The following EFNA3 variants were observed in gnomAD, a reference collection of about 807,000 sequenced individuals.
EFNA3 encodes the protein ephrin A3, also known as ephrin-A3.
A neutral mutation model predicts 25.0 loss-of-function variants in EFNA3; 15 were observed. The observed-to-expected ratio is 0.60, with a 90% confidence interval of 0.40 to 0.92. The LOEUF (loss-of-function observed/expected upper bound fraction) is 0.92. EFNA3 is among the 40% of genes least tolerant of loss of function. EFNA3 has a pLI of 0.00. For missense variants in EFNA3, 298 were observed against 323.8 expected (o/e 0.92, Z 0.61); for synonymous variants, 153 against 145.6 (o/e 1.05, Z -0.37).
At position 155,085,560 on chromosome 1, in the gene EFNA3, G is replaced by T; in HGVS notation, c.442+156G>T. ...AGGCGTGGGCACGGGACGCCTGAGG[G>T]GTTCAGCTCAGACGAGGTCGTGGGG... On this transcript the variant is annotated intron_variant, in intron 2 of 4. Coordinates refer to ENST00000368408, the MANE Select transcript of EFNA3 (RefSeq NM_004952.5). This position sits in a 1 kb window ranked among gnomAD's most constrained non-coding sequence, Gnocchi z 4.4. The T allele has an allele frequency of 1.0e-6, 1 of 958,776 alleles. No individual in the cohort carries two copies. Among genetic ancestry groups the T allele is most frequent in the South Asian group, 1.7e-5 (1 of 57,202 alleles). 59.4% of individuals were successfully genotyped at this position (958,776 alleles called of 1,614,324 possible). A position where few individuals can be genotyped will look rare whatever the true frequency, so the allele number is the denominator to read the frequency against.
rs751363786 is a variant in EFNA3, at chr1:155,079,100, C to T, written c.128+31C>T. On this transcript the variant is annotated intron_variant, in intron 1 of 4. Coordinates refer to ENST00000368408, the MANE Select transcript of EFNA3 (RefSeq NM_004952.5). The surrounding 1 kb of genome is among the most constrained non-coding windows in gnomAD (Gnocchi z 7.7). ...TCGGGGACCCTGGGAGTCCGCGCGT[C>T]CCGTCTCAGTGAGAGGGGGAGCCGG... The T allele has an allele frequency of 4.6e-6, 6 of 1,302,330 alleles. No individual in the cohort carries two copies. The highest frequency in any genetic ancestry group is 4.9e-6 in the Non-Finnish European group (5 of 1,017,636). 80.7% of individuals were successfully genotyped at this position (1,302,330 alleles called of 1,614,324 possible). A position where few individuals can be genotyped will look rare whatever the true frequency, so the allele number is the denominator to read the frequency against.
intron 4 of EFNA3, 95 bp downstream of exon 4, chr1:155,086,300 G>A: frequency 6.3e-7 from 1 of 1,596,186 alleles, no homozygotes; most frequent in Admixed American, 1.7e-5. Flanking sequence ...TGGGGGCACT[G>A]ATACTTCCTA....
chr1:155,083,805 G>A (rs1218230286), intron 1 of EFNA3, among the ~76,000 whole-genome samples: 1 of 152,214 alleles, frequency 6.6e-6, no homozygotes, highest in African/African-American at 2.4e-5. Context: ...AGCTCCCAGG[G>A]ACTAGGGACC....
rs1418762232 is a variant in EFNA3 at position 155,081,012 on chromosome 1, T to C, written c.128+1943T>C. On this transcript the variant is annotated intron_variant, in intron 1 of 4. Coordinates refer to ENST00000368408, the MANE Select transcript of EFNA3 (RefSeq NM_004952.5). The surrounding 1 kb of genome is among the most constrained non-coding windows in gnomAD (Gnocchi z 5.2). ...GGGCGGGGCCGACCGAGCCACAGGC[T>C]CCCGCGCCCCCTCCCCCTAGTCACG... is the stretch of plus-strand genomic sequence containing the variant. Among the ~76,000 whole-genome samples, 4 of 151,644 alleles carry C rather than the reference T, an allele frequency of 2.6e-5. No homozygotes were observed. Among genetic ancestry groups the C allele is most frequent in the Admixed American group, 2.0e-4 (3 of 15,268 alleles).
At chr1:155,086,244 A>ACCG (rs1181579832) in intron 4 of EFNA3, 39 bp downstream of exon 4, 1 of 1,608,538 alleles carries the variant, frequency 6.2e-7, no homozygotes, top group Non-Finnish European at 8.5e-7. Flanking sequence ...CACTGCTGGA[A>ACCG]CCGCAGCCCC....
rs945694353 is a variant in EFNA3 at position 155,079,724 on chromosome 1, C to T, written c.128+655C>T. 5.3e-5 allele frequency among the ~76,000 whole-genome samples: 8 copies of T among 152,098 alleles called. No individual in the cohort carries two copies. Among genetic ancestry groups the T allele is most frequent in the Non-Finnish European group, 1.0e-4 (7 of 67,992 alleles). On this transcript the variant is annotated intron_variant, in intron 1 of 4. Coordinates refer to ENST00000368408, the MANE Select transcript of EFNA3 (RefSeq NM_004952.5). This position sits in a 1 kb window ranked among gnomAD's most constrained non-coding sequence, Gnocchi z 7.7. ...TGTCGGTGTGTCACACACGCACACA[C>T]ACGCCCGGGCTGGGGACGGCGAATG...
intron 1 of EFNA3, among the ~76,000 whole-genome samples, chr1:155,082,187 G>A (rs888303456): frequency 7.9e-5 from 12 of 152,256 alleles, no homozygotes; most frequent in Admixed American, 5.2e-4. Context: ...CGCACACGTG[G>A]TCCGGCCTCG....
chr1:155,085,700 C>A lies in EFNA3; in HGVS notation c.443-177C>A. 1 of 752,674 alleles carries A rather than the reference C, an allele frequency of 1.3e-6. No individual in the cohort carries two copies. Among genetic ancestry groups the A allele is most frequent in the Non-Finnish European group, 2.1e-6 (1 of 468,290 alleles). 46.6% of individuals were successfully genotyped at this position (752,674 alleles called of 1,614,324 possible). A position where few individuals can be genotyped will look rare whatever the true frequency, so the allele number is the denominator to read the frequency against. On this transcript the variant is annotated intron_variant, in intron 2 of 4. Coordinates refer to ENST00000368408, the MANE Select transcript of EFNA3 (RefSeq NM_004952.5). This position sits in a 1 kb window ranked among gnomAD's most constrained non-coding sequence, Gnocchi z 4.4. ...ATCCCAGTTTCTTGAGGGGTGGGAC[C>A]AAAGGGGCGTCTAGGGCCGACGGCA...
Position 155,086,124 on chromosome 1 carries a change from G to A in EFNA3, c.509-4G>A, listed in dbSNP as rs1344503150. 7 of 863,984 alleles carry A rather than the reference G, an allele frequency of 8.1e-6. No individual in the cohort carries two copies. The East Asian group carries it at 2.8e-4, about 35-fold the overall frequency. The allele number at this position is 863,984 out of a possible 1,614,324, so 53.5% of individuals were successfully genotyped here. ...TCTCTCCCCACCCGCACCCCACCCC[G>A]CAGCATCGCACTCCGGGGAGAAGCC... On this transcript the variant is annotated splice_region_variant and splice_polypyrimidine_tract_variant and intron_variant, in intron 3 of 4. Transcript: ENST00000368408.
Position 155,085,124 on chromosome 1 carries a change from C to A in EFNA3, c.162C>A (p.Asn54Lys), listed in dbSNP as rs1357043483. The A allele has an allele frequency of 6.2e-7, 1 of 1,613,722 alleles. No individual in the cohort carries two copies. The highest frequency in any genetic ancestry group is 8.5e-7 in the Non-Finnish European group (1 of 1,180,010). ...LRREGYTVQV[N>K]VNDYLDIYCP... ...GAGAGGGCTACACCGTGCAGGTGAA[C>A]GTGAACGACTATCTGGATATTTACT... The change falls in exon 2 of 5, where the codon AAC becomes AAA. Residue 54 changes from asparagine to lysine, a missense_variant. Physicochemically the swap from Asn to Lys is moderately conservative, Grantham distance 94. Coordinates refer to ENST00000368408, the MANE Select transcript of EFNA3 (RefSeq NM_004952.5). The surrounding 1 kb of genome is among the most constrained non-coding windows in gnomAD (Gnocchi z 4.4).
At position 155,078,980 on chromosome 1, in the gene EFNA3, GC is replaced by G; in HGVS notation, c.42del (p.Val15CysfsTer39). On this transcript the variant is annotated frameshift_variant, in exon 1 of 5. Transcript: ENST00000368408. LOFTEE classifies it high-confidence loss of function. ...CGCTGCTGCTGCTGCTGCTGCTCGT[GC>G]CCGTGCCGCTGCTGCCGCTGCTGGC... ...APLLLLLLLVPVPLLPLLAQG... is the reference protein window; with the variant it reads ...APLLLLLLLVXVPLLPLLAQG... 1 of 1,434,950 alleles carries G rather than the reference GC, an allele frequency of 7.0e-7. No individual in the cohort carries two copies. Among genetic ancestry groups the G allele is most frequent in the Non-Finnish European group, 9.2e-7 (1 of 1,091,648 alleles). The allele number at this position is 1,434,950 out of a possible 1,614,324, so 88.9% of individuals were successfully genotyped here.
chr1:155,085,927 G>A lies in EFNA3; in HGVS notation c.493G>A (p.Val165Ile). Reference protein sequence around the residue: ...HWKCLRMKVFVCCASTSHSGE... With the variant: ...HWKCLRMKVFICCASTSHSGE... ...GAAGTGTCTGAGGATGAAGGTGTTC[G>A]TCTGCTGCGCCTCCAGTGAGTAGAA... is the stretch of plus-strand genomic sequence containing the variant. The change falls in exon 3 of 5, where the codon GTC (valine) becomes ATC (isoleucine). Residue 165 changes from valine to isoleucine, a missense_variant. Val to Ile is a conservative substitution (Grantham distance 29, BLOSUM62 3). Transcript: ENST00000368408. The surrounding 1 kb of genome is among the most constrained non-coding windows in gnomAD (Gnocchi z 4.4). 6.2e-7 allele frequency: 1 copy of A among 1,611,920 alleles called. No individual in the cohort carries two copies. Among genetic ancestry groups the A allele is most frequent in the Non-Finnish European group, 8.5e-7 (1 of 1,179,084 alleles).
intron 1 of EFNA3, among the ~76,000 whole-genome samples, chr1:155,083,321 C>G (rs1016593384): frequency 6.6e-6 from 1 of 152,198 alleles, no homozygotes; most frequent in Non-Finnish European, 1.5e-5. Context: ...CACTGGAGGC[C>G]CCCTCCCCAA....
At chr1:155,082,937 T>C (rs1332883042) in intron 1 of EFNA3, among the ~76,000 whole-genome samples, 1 of 152,210 alleles carries the variant, frequency 6.6e-6, no homozygotes, top group Non-Finnish European at 1.5e-5. Context: ...TTTGTCCCCG[T>C]GCCCTCTGTG....
At position 155,085,813 on chromosome 1, in the gene EFNA3, G is replaced by A; in HGVS notation, c.443-64G>A. The A allele has an allele frequency of 6.3e-7, 1 of 1,580,214 alleles. No individual in the cohort carries two copies. The highest frequency in any genetic ancestry group is 1.1e-5 in the South Asian group (1 of 87,512). ...CAGTTTGGAGGGGGTGAGAAATAGAGCCGTCGAGGGAGGGCACAGGCACAC... is the reference window on the plus strand; with the variant it reads ...CAGTTTGGAGGGGGTGAGAAATAGAACCGTCGAGGGAGGGCACAGGCACAC... On this transcript the variant is annotated intron_variant, in intron 2 of 4. Coordinates refer to ENST00000368408, the MANE Select transcript of EFNA3 (RefSeq NM_004952.5). This position sits in a 1 kb window ranked among gnomAD's most constrained non-coding sequence, Gnocchi z 4.4.
chr1:155,085,073 G>A lies in EFNA3; in HGVS notation c.129-18G>A. The A allele has an allele frequency of 6.2e-7, 1 of 1,612,266 alleles. No individual in the cohort carries two copies. The highest frequency in any genetic ancestry group is 8.5e-7 in the Non-Finnish European group (1 of 1,179,456). Reference sequence around the variant, plus strand: ...CTCTGGGGTTTCTTCTCTCTGAGCCGCTTCCTCTTCCCCACAGCCTGCGGC... The same window carrying A: ...CTCTGGGGTTTCTTCTCTCTGAGCCACTTCCTCTTCCCCACAGCCTGCGGC... On this transcript the variant is annotated intron_variant, in intron 1 of 4. Transcript: ENST00000368408. This position sits in a 1 kb window ranked among gnomAD's most constrained non-coding sequence, Gnocchi z 4.4.
In EFNA3 at chr1:155,078,955, C is replaced by CGCTGCTGCT. The variant is rs751169298; in HGVS notation, c.27_35dup (p.Leu10_Leu12dup). ...GCGGCTCCGGGGATGGCGGCGGCTC[C>CGCTGCTGCT]GCTGCTGCTGCTGCTGCTGCTCGTG... On this transcript the variant is annotated inframe_insertion, in exon 1 of 5. Coordinates refer to ENST00000368408, the MANE Select transcript of EFNA3 (RefSeq NM_004952.5). The CGCTGCTGCT allele has an allele frequency of 7.1e-6, 10 of 1,416,474 alleles. No homozygotes were observed. The highest frequency in any genetic ancestry group is 9.2e-6 in the Non-Finnish European group (10 of 1,085,016). The allele number at this position is 1,416,474 out of a possible 1,614,324, so 87.7% of individuals were successfully genotyped here. A position where few individuals can be genotyped will look rare whatever the true frequency, so the allele number is the denominator to read the frequency against.
rs908330467 is a variant in EFNA3, at chr1:155,080,789, C to T, written c.128+1720C>T. On this transcript the variant is annotated intron_variant, in intron 1 of 4. Transcript: ENST00000368408. This position sits in a 1 kb window ranked among gnomAD's most constrained non-coding sequence, Gnocchi z 7.0. ...GAGCCTCCTTTCTGTCCTCTCTACT[C>T]CGTGCGGGCCTGGGCCGGCAGAGGT... Among the ~76,000 whole-genome samples the T allele has an allele frequency of 3.9e-5, 6 of 152,196 alleles. No homozygotes were observed. The highest frequency in any genetic ancestry group is 8.8e-5 in the Non-Finnish European group (6 of 68,010).
At position 155,085,539 on chromosome 1, in the gene EFNA3, G is replaced by A; in HGVS notation, c.442+135G>A. The A allele has an allele frequency of 8.9e-7, 1 of 1,128,784 alleles. No homozygotes were observed. Among genetic ancestry groups the A allele is most frequent in the Non-Finnish European group, 1.2e-6 (1 of 816,864 alleles). The allele number at this position is 1,128,784 out of a possible 1,614,324, so 69.9% of individuals were successfully genotyped here. A position where few individuals can be genotyped will look rare whatever the true frequency, so the allele number is the denominator to read the frequency against. On this transcript the variant is annotated intron_variant, in intron 2 of 4. Transcript: ENST00000368408. This position sits in a 1 kb window ranked among gnomAD's most constrained non-coding sequence, Gnocchi z 4.4. ...TCGCGGCTGAGACCAGGGAGGAGGC[G>A]TGGGCACGGGACGCCTGAGGGGTTC...
Sources: gnomAD v4.1 joint callset for allele counts (sites outside exome capture counted in the v4.1 genomes callset) on GRCh38, gnomAD v4.1.1 for gene constraint, Gnocchi (gnomAD v3.1) non-coding constraint, MANE v1.5 for transcripts, NCBI Gene and HGNC (gene_info 2026-07-23, HGNC 2026-07-21) for gene names.